The following ALDH1L1 variants were observed in gnomAD, a reference collection of about 807,000 sequenced individuals.
ALDH1L1 encodes the protein cytosolic 10-formyltetrahydrofolate dehydrogenase.
A neutral mutation model predicts 101.1 loss-of-function variants in ALDH1L1; 68 were observed. The ratio of observed to expected loss-of-function variants is 0.67; its 90% CI spans 0.55 to 0.82. The LOEUF (loss-of-function observed/expected upper bound fraction) is 0.82. Ranked by LOEUF, ALDH1L1 falls within the 40% of genes least tolerant of loss-of-function variation. ALDH1L1 has a pLI of 0.00. For synonymous variants in ALDH1L1, 486 were observed against 470.8 expected (o/e 1.03, Z -0.42); for missense variants, 1,087 against 1,172.7 (o/e 0.93, Z 1.07).
rs757674804 is a variant in ALDH1L1 at position 126,114,616 on chromosome 3, C to A, written c.2023G>T (p.Gly675Cys). The A allele has an allele frequency of 6.6e-7, 1 of 1,516,172 alleles. No individual in the cohort carries two copies. Among genetic ancestry groups the A allele is most frequent in the Non-Finnish European group, 8.8e-7 (1 of 1,131,768 alleles). 93.9% of individuals were successfully genotyped at this position (1,516,172 alleles called of 1,614,324 possible). Residue 675 changes from glycine to cysteine, a missense_variant, in exon 18 of 23, where the codon GGC becomes TGC. Transcript: ENST00000393434. ...SNVKKVSLEL[G>C]GKSPLIIFAD... is the part of the protein sequence containing the mutation. The stretch of plus-strand genomic sequence containing the variant: ...AAGATGATGAGGGGTGACTTCCCGC[C>A]CAGTTCCAGGGACACCTTCTTCACG...
At chr3:126,144,807 C>T (rs1279622762) in intron 9 of ALDH1L1, among the ~76,000 whole-genome samples, 1 of 152,178 alleles carries the variant, frequency 6.6e-6, no homozygotes, top group Non-Finnish European at 1.5e-5. Flanking sequence ...CTGAATATCA[C>T]ACCAAAAGAA....
chr3:126,158,039 C>T, intron 3 of ALDH1L1, among the ~76,000 whole-genome samples: 2 of 152,254 alleles, frequency 1.3e-5, no homozygotes, highest in Middle Eastern at 6.8e-3. Context: ...TAGAGTAGGA[C>T]CCCCAGCCCA....
rs3821467 is a variant in ALDH1L1 at position 126,153,434 on chromosome 3, G to A, written c.858+10C>T. 9.9e-4 allele frequency: 1,592 copies of A among 1,613,160 alleles called. 28 individuals are homozygous for A. In the East Asian group the frequency reaches 0.032, roughly 33 times the overall value. ...TTGAGCAGGCAAGTGACCCACAGCC[G>A]TGCCCTTACCATTTTGTCATCATTC... On this transcript the variant is annotated intron_variant, in intron 7 of 22. Transcript: ENST00000393434.
At chr3:126,168,666 C>T (rs2081216024) in intron 1 of ALDH1L1, among the ~76,000 whole-genome samples, 1 of 152,036 alleles carries the variant, frequency 6.6e-6, no homozygotes, top group African/African-American at 2.4e-5. Context: ...TTTCCTAACC[C>T]CTGGCTTTTC....
chr3:126,149,910 A>T (rs79031786), intron 8 of ALDH1L1, among the ~76,000 whole-genome samples: 2,919 of 152,318 alleles, frequency 0.019, 96 homozygotes, highest in African/African-American at 0.065. Flanking sequence ...GGAAGTGAGC[A>T]TGGATGGAAA....
chr3:126,114,719 CA>C (rs1293212300), intron 17 of ALDH1L1, 63 bp from the exon 18 acceptor site: 2 of 1,490,824 alleles, frequency 1.3e-6, no homozygotes, highest in Non-Finnish European at 1.9e-6. Context: ...ATTGGGACCC[CA>C]GGTGGCAGGG....
rs749247148 is a variant in ALDH1L1 at position 126,110,020 on chromosome 3, C to T, written c.2271G>A (p.Lys757=). 1 of 1,614,120 alleles carries T rather than the reference C, an allele frequency of 6.2e-7. No homozygotes were observed. Among genetic ancestry groups the T allele is most frequent in the African/African-American group, 1.3e-5 (1 of 74,938 alleles). ...CGCCATGCTGGCAGTACTCCATCAGCTTCACAAGGTGGGCATGGTGATTCT... is the reference window on the plus strand; with the variant it reads ...CGCCATGCTGGCAGTACTCCATCAGTTTCACAAGGTGGGCATGGTGATTCT... ...GPQNHHAHLV[K]LMEYCQHGVK... Residue 757 remains lysine, a synonymous_variant, in exon 20 of 23, where the codon AAG becomes AAA. Transcript: ENST00000393434.
rs1029302367 is a variant in ALDH1L1 at position 126,136,969 on chromosome 3, C to G, written c.1225-86G>C. The G allele has an allele frequency of 3.2e-6, 5 of 1,555,388 alleles. No individual in the cohort carries two copies. In the African/African-American group the frequency reaches 6.8e-5, roughly 21 times the overall value. On this transcript the variant is annotated intron_variant, in intron 10 of 22. Coordinates refer to ENST00000393434, the MANE Select transcript of ALDH1L1 (RefSeq NM_012190.4). ...ATGGCCACACAGTCACACACACACA[C>G]TGCCCAGGGGCCTCCTGGGGCTTCA...
chr3:126,178,168 C>T (rs530403280), intron 1 of ALDH1L1, among the ~76,000 whole-genome samples: 11 of 152,204 alleles, frequency 7.2e-5, no homozygotes, highest in African/African-American at 2.6e-4. Context: ...ATCACTTGAG[C>T]CCTTGAGTTC....
chr3:126,148,600 C>T (rs1473753256), intron 8 of ALDH1L1, among the ~76,000 whole-genome samples: 7 of 152,170 alleles, frequency 4.6e-5, no homozygotes, highest in South Asian at 2.1e-4. Flanking sequence ...GGGGGCTGCA[C>T]GGTGAACAGC....
chr3:126,175,323 T>C (rs1422228997), intron 1 of ALDH1L1, among the ~76,000 whole-genome samples: 1 of 152,168 alleles, frequency 6.6e-6, no homozygotes, highest in African/African-American at 2.4e-5. Context: ...CAATTCTCTA[T>C]GATCTCTTTC....
rs1285399870 is a variant in ALDH1L1, at chr3:126,154,623, T to C, written c.651A>G (p.Ala217=). Reference sequence around the variant, plus strand: ...CGCGGATCCAGTTGTGAATGGCCTCTGCCGGCTGGTCCCAGTTGATCTGTG... The same window carrying C: ...CGCGGATCCAGTTGTGAATGGCCTCCGCCGGCTGGTCCCAGTTGATCTGTG... ...ETAKINWDQP[A]EAIHNWIRGN... Residue 217 remains alanine (A), a synonymous_variant, in exon 6 of 23, where the codon GCA becomes GCG. Coordinates refer to ENST00000393434, the MANE Select transcript of ALDH1L1 (RefSeq NM_012190.4). 2 of 1,614,154 alleles carry C rather than the reference T, an allele frequency of 1.2e-6. No individual in the cohort carries two copies.
chr3:126,153,665 G>A, intron 6 of ALDH1L1, 84 bp from the exon 7 acceptor site: 2 of 1,503,124 alleles, frequency 1.3e-6, no homozygotes, highest in Non-Finnish European at 1.8e-6. Flanking sequence ...AGCAGGGCTG[G>A]GAGAGGGAGA....
intron 1 of ALDH1L1, chr3:126,179,949 T>A (rs1025999983): frequency 2.6e-5 from 4 of 152,178 alleles, no homozygotes; most frequent in Non-Finnish European, 4.4e-5. Flanking sequence ...GCGCAGCCCC[T>A]GAGCGCTCAC....
chr3:126,171,741 G>C (rs1410630686), intron 1 of ALDH1L1, among the ~76,000 whole-genome samples: 1 of 152,126 alleles, frequency 6.6e-6, no homozygotes, highest in African/African-American at 2.4e-5. Context: ...CCTAAGTGAT[G>C]AGGAAAAACC....
At chr3:126,137,217 C>T (rs1008290372) in intron 10 of ALDH1L1, among the ~76,000 whole-genome samples, 6 of 152,210 alleles carry the variant, frequency 3.9e-5, no homozygotes, top group African/African-American at 1.4e-4. Flanking sequence ...CCACTCACAT[C>T]CCTGTGGATT....
chr3:126,141,332 G>T (rs963852106), intron 9 of ALDH1L1, among the ~76,000 whole-genome samples: 2 of 152,028 alleles, frequency 1.3e-5, no homozygotes, highest in African/African-American at 4.8e-5. Context: ...GAACTCAAGA[G>T]AATAAGATAC....
intron 1 of ALDH1L1, among the ~76,000 whole-genome samples, chr3:126,195,363 C>A (rs990644222): frequency 6.6e-6 from 1 of 152,106 alleles, no homozygotes; most frequent in East Asian, 1.9e-4. Flanking sequence ...ACATATTTTT[C>A]TTTAGGCCAA....
intron 3 of ALDH1L1, 23 bp from the exon 4 acceptor site, chr3:126,157,531 C>T: frequency 6.2e-7 from 1 of 1,609,096 alleles, no homozygotes. Context: ...AGAGTGAAAC[C>T]TGGAGTCCAC....
Sources: gnomAD v4.1 joint callset for allele counts (sites outside exome capture counted in the v4.1 genomes callset) on GRCh38, gnomAD v4.1.1 for gene constraint, MANE v1.5 for transcripts, NCBI Gene and HGNC (gene_info 2026-07-23, HGNC 2026-07-21) for gene names.